The following EXOC2 variants were observed in gnomAD, a reference collection of about 807,000 sequenced individuals.
EXOC2 encodes SEC5-like 1.
Under a neutral mutation model 131.8 loss-of-function variants are expected in EXOC2, and 70 were observed. That is an observed-to-expected ratio of 0.53 (90% CI 0.44 to 0.65). EXOC2 has a LOEUF of 0.65. Among genes scored for constraint, EXOC2 ranks in the 30% least tolerant of loss-of-function variants. The probability of loss-of-function intolerance (pLI) is 0.00; values close to 1 mark genes in which losing one functional copy is unlikely to be tolerated. For synonymous variants in EXOC2, 411 were observed against 398.4 expected (o/e 1.03, Z -0.38); for missense variants, 923 against 1,108.6 (o/e 0.83, Z 2.38).
chr6:565,999 A>G (rs1451586760), intron 13 of EXOC2, among the ~76,000 whole-genome samples: 3 of 152,236 alleles, frequency 2.0e-5, no homozygotes, highest in Admixed American at 1.3e-4. Context: ...ACACAGACCA[A>G]CATCCTTCAA....
At chr6:671,768 A>T (rs1763882966) in intron 1 of EXOC2, among the ~76,000 whole-genome samples, 1 of 152,114 alleles carries the variant, frequency 6.6e-6, no homozygotes, top group Admixed American at 6.5e-5. Flanking sequence ...TGCTGAAAAA[A>T]AGTCTGATGT....
chr6:493,785 GTC>G (rs1763569093), intron 25 of EXOC2, among the ~76,000 whole-genome samples: 1 of 152,114 alleles, frequency 6.6e-6, no homozygotes, highest in Non-Finnish European at 1.5e-5. Context: ...AAATACACAT[GTC>G]TGTCCAGGCC....
In EXOC2 at chr6:486,613, G is replaced by A; in HGVS notation, c.*58C>T. 3 of 1,433,076 alleles carry A rather than the reference G, an allele frequency of 2.1e-6. No individual in the cohort carries two copies. The highest frequency in any genetic ancestry group is 2.9e-6 in the Non-Finnish European group (3 of 1,017,714). The allele number at this position is 1,433,076 out of a possible 1,614,324, so 88.8% of individuals were successfully genotyped here. A position where few individuals can be genotyped will look rare whatever the true frequency, so the allele number is the denominator to read the frequency against. On this transcript the variant is annotated 3_prime_UTR_variant, in exon 28 of 28. Coordinates refer to ENST00000230449, the MANE Select transcript of EXOC2 (RefSeq NM_018303.6). ...ACACCAAATACCTTTAGGGTACTTA[G>A]AGAGTGAACAGTCTTATTACGTGTT... is the stretch of plus-strand genomic sequence containing the variant.
intron 12 of EXOC2, among the ~76,000 whole-genome samples, chr6:574,113 T>C (rs1193072954): frequency 6.6e-6 from 1 of 152,230 alleles, no homozygotes; most frequent in Non-Finnish European, 1.5e-5. Context: ...CGTATCGTAA[T>C]TTAACAAGTT....
At chr6:593,596 A>T (rs1278039301) in intron 10 of EXOC2, among the ~76,000 whole-genome samples, 3 of 152,258 alleles carry the variant, frequency 2.0e-5, no homozygotes, top group African/African-American at 7.2e-5. Context: ...TTTGGCCCTC[A>T]GCCCTCACAA....
intron 25 of EXOC2, among the ~76,000 whole-genome samples, chr6:493,966 T>C (rs573372253): frequency 2.7e-3 from 406 of 152,326 alleles, no homozygotes; most frequent in South Asian, 0.016. Flanking sequence ...AGGTAATGTG[T>C]AGAGAGGGCG....
At chr6:554,301 A>G (rs1757304315) in intron 20 of EXOC2, among the ~76,000 whole-genome samples, 1 of 152,180 alleles carries the variant, frequency 6.6e-6, no homozygotes, top group Non-Finnish European at 1.5e-5. Context: ...CGGCCTCCCA[A>G]AGTGCTGGAA....
At chr6:523,681 T>TA (rs903332268) in intron 23 of EXOC2, among the ~76,000 whole-genome samples, 5 of 152,214 alleles carry the variant, frequency 3.3e-5, no homozygotes, top group Non-Finnish European at 5.9e-5. Context: ...TCAGTTCTTT[T>TA]AAAAAAATTG....
chr6:597,293 C>T (rs1169614299), intron 10 of EXOC2, among the ~76,000 whole-genome samples: 2 of 152,054 alleles, frequency 1.3e-5, no homozygotes, highest in African/African-American at 2.4e-5. Context: ...TCTCCTGCCT[C>T]AGCCTCCTGA....
intron 2 of EXOC2, among the ~76,000 whole-genome samples, chr6:637,288 G>T (rs1762147528): frequency 6.6e-6 from 1 of 152,182 alleles, no homozygotes; most frequent in South Asian, 2.1e-4. Context: ...CAGGAGATGG[G>T]GCTGAGACTT....
chr6:651,284 C>T (rs1316605398), intron 1 of EXOC2, among the ~76,000 whole-genome samples: 1 of 152,052 alleles, frequency 6.6e-6, no homozygotes, highest in South Asian at 2.1e-4. Context: ...CCTCCTGCCT[C>T]GGCCTCCCAA....
chr6:557,710 A>T lies in EXOC2; in HGVS notation c.1852-1146T>A, dbSNP rs533456132. Among the ~76,000 whole-genome samples, 4 of 152,156 alleles carry T rather than the reference A, an allele frequency of 2.6e-5. No individual in the cohort carries two copies. In the East Asian group the frequency reaches 7.7e-4, roughly 29 times the overall value. On this transcript the variant is annotated intron_variant, in intron 17 of 27. Transcript: ENST00000230449. ...ATAGGATGGTCATAGAAGGCCCCCA[A>T]GACTGTGAGAACATTGATGCTGAGA...
At chr6:635,812 C>CA (rs1762072683) in intron 2 of EXOC2, among the ~76,000 whole-genome samples, 1 of 152,236 alleles carries the variant, frequency 6.6e-6, no homozygotes, top group Admixed American at 6.5e-5. Flanking sequence ...CCTGTAATGC[C>CA]AGCACTTTGG....
chr6:504,900 A>G (rs548035713), intron 23 of EXOC2, among the ~76,000 whole-genome samples: 2 of 152,322 alleles, frequency 1.3e-5, no homozygotes, highest in African/African-American at 4.8e-5. Flanking sequence ...TGCCAATTCT[A>G]AAGTAGTACA....
chr6:507,472 A>G (rs1764632781), intron 23 of EXOC2, among the ~76,000 whole-genome samples: 1 of 152,104 alleles, frequency 6.6e-6, no homozygotes. Context: ...GGAGAGAAGA[A>G]TCTTACACTG....
At chr6:631,267 C>T (rs1251343037) in intron 3 of EXOC2, among the ~76,000 whole-genome samples, 2 of 152,204 alleles carry the variant, frequency 1.3e-5, no homozygotes, top group African/African-American at 2.4e-5. Flanking sequence ...TGGCCGGGTG[C>T]AGTAGCTCAC....
At chr6:568,642 A>G (rs1401274653) in intron 13 of EXOC2, among the ~76,000 whole-genome samples, 1 of 152,218 alleles carries the variant, frequency 6.6e-6, no homozygotes, top group Non-Finnish European at 1.5e-5. Context: ...AGGGAGGCAC[A>G]TGCCAGTATA....
intron 23 of EXOC2, among the ~76,000 whole-genome samples, chr6:529,494 T>C (rs1290353266): frequency 6.6e-6 from 1 of 152,186 alleles, no homozygotes; most frequent in Non-Finnish European, 1.5e-5. Context: ...AAGAATCACT[T>C]TGTTGAGAGT....
intron 1 of EXOC2, among the ~76,000 whole-genome samples, chr6:658,667 T>TTATTTTATATATATATATATATTTATA (rs1763269052): frequency 1.5e-5 from 1 of 65,202 alleles, no homozygotes; most frequent in Non-Finnish European, 3.4e-5. Flanking sequence ...ATATATATAT[T>TTATTTTATATATATATATATATTTATA]TTTTTTTTTT....
Sources: allele counts gnomAD v4.1 joint callset (sites outside exome capture counted in the v4.1 genomes callset), GRCh38; gene constraint gnomAD v4.1.1; transcripts MANE v1.5; gene names NCBI Gene and HGNC (gene_info 2026-07-23, HGNC 2026-07-21).